Variants in SGMS1 observed in about 807,000 individuals in gnomAD.
The protein encoded by SGMS1 is phosphatidylcholine:ceramide cholinephosphotransferase 1.
SGMS1 carries 13 observed loss-of-function variants against 46.2 expected under a neutral mutation model. That is an observed-to-expected ratio of 0.28 (90% CI 0.18 to 0.45). The LOEUF (loss-of-function observed/expected upper bound fraction) is 0.45. Among genes scored for constraint, SGMS1 ranks in the 20% least tolerant of loss-of-function variants. The probability of loss-of-function intolerance (pLI) is 1.00; values close to 1 mark genes in which losing one functional copy is unlikely to be tolerated. For missense variants in SGMS1, 324 were observed against 519.9 expected, an observed-to-expected ratio of 0.62 and a Z score of 3.66; for synonymous variants, 203 against 187.8, an observed-to-expected ratio of 1.08 and a Z score of -0.66.
At chr10:50,403,214 C>T (rs2133546625) in intron 6 of SGMS1, among the ~76,000 whole-genome samples, 1 of 152,278 alleles carries the variant, frequency 6.6e-6, no homozygotes, top group Admixed American at 6.5e-5. Context: ...ACTGGCCAGT[C>T]TAGACAGAAA....
intron 6 of SGMS1, among the ~76,000 whole-genome samples, chr10:50,366,383 C>T (rs1385184810): frequency 6.6e-6 from 1 of 152,196 alleles, no homozygotes; most frequent in African/African-American, 2.4e-5. Flanking sequence ...CATTGTGGAA[C>T]ACAGTGTGGT....
intron 3 of SGMS1, among the ~76,000 whole-genome samples, chr10:50,499,050 T>C (rs113321275): frequency 5.0e-4 from 76 of 152,342 alleles, no homozygotes; most frequent in Non-Finnish European, 9.1e-4. Context: ...AACTGGCTAA[T>C]AGAATTAAAC....
At chr10:50,576,725 T>TC (rs5784836) in intron 2 of SGMS1, among the ~76,000 whole-genome samples, 152,311 of 152,370 alleles carry the variant, frequency 1, 76,127 homozygotes, top group Non-Finnish European at 1. Context: ...GTGCAACCCT[T>TC]ATTTCCGGAG....
chr10:50,375,369 C>T (rs1391117235), intron 6 of SGMS1, among the ~76,000 whole-genome samples: 1 of 152,148 alleles, frequency 6.6e-6, no homozygotes, highest in African/African-American at 2.4e-5. Flanking sequence ...ACACAGAAGG[C>T]ATCAAACTTG....
chr10:50,578,934 A>T (rs1238576671), intron 2 of SGMS1, among the ~76,000 whole-genome samples: 1 of 152,252 alleles, frequency 6.6e-6, no homozygotes, highest in Non-Finnish European at 1.5e-5. Context: ...TCCAGTTTGT[A>T]AAGCCCCATT....
chr10:50,369,209 G>A (rs1355330696), intron 6 of SGMS1, among the ~76,000 whole-genome samples: 5 of 152,182 alleles, frequency 3.3e-5, no homozygotes, highest in Admixed American at 6.5e-5. Flanking sequence ...TTTACACAAA[G>A]ATTACAGGTC....
At chr10:50,456,241 A>G (rs1436740652) in intron 5 of SGMS1, among the ~76,000 whole-genome samples, 1 of 151,964 alleles carries the variant, frequency 6.6e-6, no homozygotes, top group African/African-American at 2.4e-5. Context: ...AAAACATATA[A>G]AGGCAGAGCT....
chr10:50,349,866 T>C (rs1273385307), intron 6 of SGMS1, among the ~76,000 whole-genome samples: 1 of 152,204 alleles, frequency 6.6e-6, no homozygotes, highest in Non-Finnish European at 1.5e-5. Flanking sequence ...TATGTCTTTA[T>C]CAGCAGCATG....
At chr10:50,459,233 T>C (rs1448129154) in intron 5 of SGMS1, among the ~76,000 whole-genome samples, 2 of 152,222 alleles carry the variant, frequency 1.3e-5, no homozygotes, top group African/African-American at 4.8e-5. Flanking sequence ...TTTAATAATG[T>C]CTCATACCAA....
At chr10:50,554,100 C>A (rs1838171123) in intron 2 of SGMS1, among the ~76,000 whole-genome samples, 1 of 152,174 alleles carries the variant, frequency 6.6e-6, no homozygotes, top group African/African-American at 2.4e-5. Context: ...TTGGGAGTAA[C>A]CATACATCAT....
At chr10:50,483,176 T>G (rs1397292965) in intron 3 of SGMS1, among the ~76,000 whole-genome samples, 1 of 152,042 alleles carries the variant, frequency 6.6e-6, no homozygotes, top group East Asian at 1.9e-4. Flanking sequence ...GCCTCCTGGG[T>G]TCAAGCGATT....
chr10:50,483,100 GAC>G (rs747494354), intron 3 of SGMS1, among the ~76,000 whole-genome samples: 3 of 152,158 alleles, frequency 2.0e-5, no homozygotes, highest in Non-Finnish European at 4.4e-5. Context: ...TGTTTTTTGA[GAC>G]ACAGTCTCGC....
At chr10:50,338,973 G>A (rs944116554) in intron 7 of SGMS1, among the ~76,000 whole-genome samples, 4 of 152,010 alleles carry the variant, frequency 2.6e-5, no homozygotes, top group Admixed American at 1.3e-4. Context: ...CTCAGCCTCA[G>A]GTGATCCACT....
chr10:50,541,410 C>A (rs1048641011), intron 2 of SGMS1, among the ~76,000 whole-genome samples: 2 of 152,036 alleles, frequency 1.3e-5, no homozygotes, highest in Non-Finnish European at 2.9e-5. Flanking sequence ...TATGGTATAC[C>A]AACATAATTT....
At chr10:50,374,499 C>G (rs1204238440) in intron 6 of SGMS1, among the ~76,000 whole-genome samples, 1 of 131,160 alleles carries the variant, frequency 7.6e-6, no homozygotes, top group Non-Finnish European at 1.6e-5. Context: ...CCAAATATAT[C>G]CAGAAACCAA....
intron 6 of SGMS1, among the ~76,000 whole-genome samples, chr10:50,385,062 C>T (rs1401958671): frequency 6.6e-6 from 1 of 152,114 alleles, no homozygotes; most frequent in African/African-American, 2.4e-5. Flanking sequence ...TTGAAGGGTG[C>T]TAGTTTTTTT....
intron 3 of SGMS1, among the ~76,000 whole-genome samples, chr10:50,476,096 A>C (rs567730052): frequency 1.7e-5 from 2 of 115,378 alleles, no homozygotes; most frequent in Non-Finnish European, 3.5e-5. Flanking sequence ...TACTAAAAAT[A>C]CAAAAAAAAA....
intron 6 of SGMS1, among the ~76,000 whole-genome samples, chr10:50,348,419 A>C (rs2133373434): frequency 6.6e-6 from 1 of 152,278 alleles, no homozygotes; most frequent in South Asian, 2.1e-4. Context: ...AGAAAACCCT[A>C]TCATCTCAGC....
chr10:50,307,193 T>C lies in SGMS1; in HGVS notation c.1191A>G (p.Val397=). The change falls in exon 11 of 11, where the codon GTA becomes GTG. Residue 397 remains valine (V), a synonymous_variant. Coordinates refer to ENST00000361781, the MANE Select transcript of SGMS1 (RefSeq NM_147156.4). The surrounding 1 kb of genome is among the most constrained non-coding windows in gnomAD (Gnocchi z 4.2). ...ATTTAACTTGCCTACTGAGGTGGAC[T>C]ACTGGCCAGGGGAAAGGCCAATGGT... ...RSYHWPFPWP[V]VHLSRQVKYS... 1 of 1,614,136 alleles carries C rather than the reference T, an allele frequency of 6.2e-7. No individual in the cohort carries two copies. The highest frequency in any genetic ancestry group is 8.5e-7 in the Non-Finnish European group (1 of 1,179,990).
Sources: gnomAD v4.1 joint callset for allele counts (sites outside exome capture counted in the v4.1 genomes callset) on GRCh38, gnomAD v4.1.1 for gene constraint, Gnocchi (gnomAD v3.1) non-coding constraint, MANE v1.5 for transcripts, NCBI Gene and HGNC (gene_info 2026-07-23, HGNC 2026-07-21) for gene names.